The following TUBB8 variants were observed in gnomAD, a reference collection of about 807,000 sequenced individuals.
TUBB8 encodes tubulin beta-8 chain.
Under a neutral mutation model 33.7 loss-of-function variants are expected in TUBB8, and 25 were observed. That is an observed-to-expected ratio of 0.74 (90% CI 0.54 to 1.04). The LOEUF (loss-of-function observed/expected upper bound fraction) is 1.04. Ranked by LOEUF, TUBB8 falls within the 50% of genes least tolerant of loss-of-function variation. The pLI, the probability that TUBB8 is intolerant of heterozygous loss-of-function variation, is 0.00. For synonymous variants in TUBB8, 245 were observed against 240.1 expected, an observed-to-expected ratio of 1.02 and a Z score of -0.19; for missense variants, 279 against 608.0, an observed-to-expected ratio of 0.46 and a Z score of 5.69.
At chr10:54,496 A>C (rs1424015389) in intron 1 of TUBB8, among the ~76,000 whole-genome samples, 1 of 151,488 alleles carries the variant, frequency 6.6e-6, no homozygotes, top group Non-Finnish European at 1.5e-5. Context: ...TTTGTTTTTG[A>C]CTGACTTCTG....
chr10:52,647 C>T (rs1834483429), upstream of TUBB8, among the ~76,000 whole-genome samples: 4 of 152,194 alleles, frequency 2.6e-5, no homozygotes, highest in African/African-American at 9.6e-5. Flanking sequence ...TAAGCTAGCT[C>T]GTTAATATTA....
At chr10:67,821 GA>G (rs1452000905) in intron 1 of TUBB8, among the ~76,000 whole-genome samples, 1 of 152,166 alleles carries the variant, frequency 6.6e-6, no homozygotes, top group Non-Finnish European at 1.5e-5. Context: ...ACGCAGGCTG[GA>G]ATGCAGTGCC....
At chr10:67,279 G>A (rs1414698377) in intron 1 of TUBB8, among the ~76,000 whole-genome samples, 1 of 152,038 alleles carries the variant, frequency 6.6e-6, no homozygotes, top group Non-Finnish European at 1.5e-5. Flanking sequence ...CAAAGAATCT[G>A]TAGATGGCTT....
upstream of TUBB8, among the ~76,000 whole-genome samples, chr10:52,016 A>G (rs1279447723): frequency 6.6e-6 from 1 of 152,230 alleles, no homozygotes; most frequent in Non-Finnish European, 1.5e-5. Flanking sequence ...AGGGACAAAG[A>G]GCACAAGGTG....
chr10:48,764 C>T (rs781945491), intron 2 of TUBB8, 39 bp from the exon 3 acceptor site: 9 of 1,605,684 alleles, frequency 5.6e-6, no homozygotes, highest in Non-Finnish European at 7.7e-6. Flanking sequence ...GGGAGGGCCG[C>T]GTTCCCAGGA....
chr10:72,231 A>G (rs1452072334), intron 1 of TUBB8, among the ~76,000 whole-genome samples: 3 of 149,306 alleles, frequency 2.0e-5, no homozygotes, highest in Non-Finnish European at 3.0e-5. Flanking sequence ...GTCTCAAAAA[A>G]CAAACAAAAA....
chr10:48,936 A>G, intron 1 of TUBB8, 24 bp from the exon 2 acceptor site: 1 of 1,423,742 alleles, frequency 7.0e-7, no homozygotes, highest in Non-Finnish European at 9.6e-7. Flanking sequence ...GAGGAGACAG[A>G]CAGGCCGGGG....
intron 1 of TUBB8, among the ~76,000 whole-genome samples, chr10:59,632 T>G (rs1333865328): frequency 3.3e-5 from 5 of 152,254 alleles, no homozygotes; most frequent in African/African-American, 1.2e-4. Flanking sequence ...TTTTGCAAAT[T>G]TTTGCATCAA....
chr10:53,201 T>C (rs1554739831), upstream of TUBB8, among the ~76,000 whole-genome samples: 2 of 152,186 alleles, frequency 1.3e-5, no homozygotes, highest in Non-Finnish European at 2.9e-5. Flanking sequence ...CATCTTGCCT[T>C]ACTGAAACGT....
upstream of TUBB8, among the ~76,000 whole-genome samples, chr10:53,879 CT>C (rs1554739900): frequency 6.6e-6 from 1 of 152,304 alleles, no homozygotes; most frequent in Non-Finnish European, 1.5e-5. Context: ...GACTCTCCTC[CT>C]TTTGGTTTTA....
chr10:66,777 A>G (rs1191265674), intron 1 of TUBB8, among the ~76,000 whole-genome samples: 1,755 of 113,884 alleles, frequency 0.015, no homozygotes, highest in African/African-American at 0.042. Context: ...TTTGAGGCCA[A>G]CTTGGGCAGG....
chr10:53,681 G>C (rs1217030095), upstream of TUBB8, among the ~76,000 whole-genome samples: 9 of 152,220 alleles, frequency 5.9e-5, no homozygotes, highest in Non-Finnish European at 8.8e-5. Context: ...TAAAGAACAG[G>C]GTTCCCTGCA....
chr10:71,640 C>A (rs554259401), intron 1 of TUBB8, among the ~76,000 whole-genome samples: 3 of 151,704 alleles, frequency 2.0e-5, no homozygotes, highest in Admixed American at 2.0e-4. Flanking sequence ...AGTGGGGAGA[C>A]CTTAGGCTGG....
chr10:60,970 G>A (rs548239376), intron 1 of TUBB8, among the ~76,000 whole-genome samples: 17 of 150,904 alleles, frequency 1.1e-4, no homozygotes, highest in African/African-American at 2.9e-4. Context: ...GTAAACTATC[G>A]CAAGAACAAA....
At chr10:69,583 C>T (rs1554742045) in intron 1 of TUBB8, among the ~76,000 whole-genome samples, 4 of 152,122 alleles carry the variant, frequency 2.6e-5, no homozygotes, top group African/African-American at 9.7e-5. Context: ...AACGAAATCT[C>T]AGTGTTGAAC....
chr10:74,896 C>A (rs1243716706), upstream of TUBB8, among the ~76,000 whole-genome samples: 47 of 108,710 alleles, frequency 4.3e-4, no homozygotes, highest in Non-Finnish European at 7.5e-4. Flanking sequence ...TTTTTTGAGA[C>A]GGAGTTTCAC....
chr10:73,602 C>T (rs367605188), intron 1 of TUBB8, among the ~76,000 whole-genome samples: 2 of 151,974 alleles, frequency 1.3e-5, no homozygotes, highest in East Asian at 3.9e-4. Context: ...GAGATCGCGC[C>T]ATTGCACTCC....
intron 1 of TUBB8, 65 bp downstream of exon 1, chr10:49,117 C>A: frequency 6.7e-7 from 1 of 1,502,670 alleles, no homozygotes; most frequent in Non-Finnish European, 9.0e-7. Context: ...GCCCCCGCCA[C>A]TGCCAACACC....
intron 1 of TUBB8, among the ~76,000 whole-genome samples, chr10:61,609 G>T (rs1834602729): frequency 6.6e-6 from 1 of 152,298 alleles, no homozygotes; most frequent in African/African-American, 2.4e-5. Context: ...ATATCTATTA[G>T]GTTCATTTGT....
Sources: allele counts gnomAD v4.1 joint callset (sites outside exome capture counted in the v4.1 genomes callset), GRCh38; gene constraint gnomAD v4.1.1; transcripts MANE v1.5; gene names NCBI Gene and HGNC (gene_info 2026-07-23, HGNC 2026-07-21).